RNF4: variants seen among roughly 807,000 people sequenced by gnomAD.
The protein encoded by RNF4 is E3 ubiquitin-protein ligase RNF4.
Under a neutral mutation model 24.3 loss-of-function variants are expected in RNF4, and 7 were observed. That is an observed-to-expected ratio of 0.29 (90% CI 0.16 to 0.54). The LOEUF (loss-of-function observed/expected upper bound fraction) is 0.54. RNF4 is among the 20% of genes least tolerant of loss of function. RNF4 has a pLI of 0.95. For missense variants in RNF4, 209 were observed against 248.5 expected (o/e 0.84, Z 1.07); for synonymous variants, 83 against 84.3 (o/e 0.98, Z 0.09).
chr4:2,480,477 T>C (rs1387196624), intron 1 of RNF4: 1 of 151,978 alleles, frequency 6.6e-6, no homozygotes, highest in African/African-American at 2.4e-5. Context: ...TTCACCATGT[T>C]GGCCAGGTTG....
intron 2 of RNF4, among the ~76,000 whole-genome samples, chr4:2,495,021 T>C (rs1735691190): frequency 6.6e-6 from 1 of 152,230 alleles, no homozygotes; most frequent in Non-Finnish European, 1.5e-5. Context: ...ACTTTTTACA[T>C]AAGCAACCTG....
chr4:2,502,199 G>T lies in RNF4; in HGVS notation c.204+1461G>T, dbSNP rs1041806845. Among the ~76,000 whole-genome samples the T allele has an allele frequency of 8.5e-5, 13 of 152,240 alleles. No individual in the cohort carries two copies. In the East Asian group the frequency reaches 1.9e-3, roughly 23 times the overall value. ...AAGCTGGAAAGTGGTGTCTGCAGAA[G>T]TTTTTTTGTTTTTTGTTTTTTGTTT... On this transcript the variant is annotated intron_variant, in intron 4 of 7. Coordinates refer to ENST00000314289, the MANE Select transcript of RNF4 (RefSeq NM_002938.5).
rs1282273039 is a variant in RNF4 at position 2,512,591 on chromosome 4, G to A, written c.368G>A (p.Gly123Asp). ...AACGCCAGGGATGAGGGCGCTACAG[G>A]CCTCAGGTACCAACGTGCCCCCAGC... ...PRNARDEGAT[G>D]LRPSGTVSCP... The change falls in exon 6 of 8, where the codon GGC (glycine) becomes GAC (aspartate). Residue 123 changes from glycine (G) to aspartate (D), a missense_variant. Gly to Asp is a moderately conservative substitution (Grantham distance 94, BLOSUM62 -1). Transcript: ENST00000314289. The surrounding 1 kb of genome is among the most constrained non-coding windows in gnomAD (Gnocchi z 4.1). The A allele has an allele frequency of 1.2e-6, 2 of 1,613,736 alleles. No individual in the cohort carries two copies. The highest frequency in any genetic ancestry group is 2.7e-5 in the African/African-American group (2 of 75,048).
intron 4 of RNF4, among the ~76,000 whole-genome samples, chr4:2,501,167 G>C (rs1406355967): frequency 2.6e-5 from 4 of 152,230 alleles, no homozygotes; most frequent in African/African-American, 9.6e-5. Flanking sequence ...AATGGGGACA[G>C]GTCACTCATG....
intron 4 of RNF4, 24 bp from the exon 5 acceptor site, chr4:2,511,932 T>TG (rs746134259): frequency 1.3e-6 from 2 of 1,598,376 alleles, no homozygotes; most frequent in Non-Finnish European, 1.7e-6. Context: ...CTTTCTCTTT[T>TG]GTTTTTCTCC....
intron 4 of RNF4, among the ~76,000 whole-genome samples, chr4:2,506,770 G>A (rs376956753): frequency 6.6e-6 from 1 of 151,962 alleles, no homozygotes; most frequent in African/African-American, 2.4e-5. Flanking sequence ...AGGTCTTACC[G>A]TATTGCCCAG....
At chr4:2,470,575 T>G (rs763297207) in intron 1 of RNF4, among the ~76,000 whole-genome samples, 2 of 152,272 alleles carry the variant, frequency 1.3e-5, no homozygotes, top group Non-Finnish European at 2.9e-5. Flanking sequence ...ATTGTTTTTC[T>G]AATCTTCATG....
intron 4 of RNF4, among the ~76,000 whole-genome samples, chr4:2,504,639 C>T (rs1322552804): frequency 1.3e-5 from 2 of 151,300 alleles, no homozygotes; most frequent in Admixed American, 6.6e-5. Flanking sequence ...TAAGCTCTGC[C>T]TCCTGGGTTC....
At chr4:2,490,704 G>A (rs570716752) in intron 2 of RNF4, 105 of 529,938 alleles carry the variant, frequency 2.0e-4, no homozygotes, top group Non-Finnish European at 3.0e-4. Flanking sequence ...AAAGGGCAGA[G>A]CCCTGAAGAC....
At position 2,485,682 on chromosome 4, in the gene RNF4, C is replaced by T. The variant is rs527318263; in HGVS notation, c.-157-4655C>T. Among the ~76,000 whole-genome samples, 257 of 152,286 alleles carry T rather than the reference C, an allele frequency of 1.7e-3. 3 individuals are homozygous for T. In the Middle Eastern group the frequency reaches 0.034, roughly 20 times the overall value. On this transcript the variant is annotated intron_variant, in intron 1 of 7. Coordinates refer to ENST00000314289, the MANE Select transcript of RNF4 (RefSeq NM_002938.5). ...CCAGTTAGGAATGACCACTTCTCTA[C>T]CCCAGCTCCTCTTTTCTCAGTGGCA...
At chr4:2,506,189 C>CT (rs3216205) in intron 4 of RNF4, 1 of 151,832 alleles carries the variant, frequency 6.6e-6, no homozygotes, top group Non-Finnish European at 1.5e-5. Flanking sequence ...TTGTTGTTTT[C>CT]TTTTTCCCCC....
chr4:2,507,815 T>C (rs942822789), intron 4 of RNF4, among the ~76,000 whole-genome samples: 1 of 152,150 alleles, frequency 6.6e-6, no homozygotes, highest in Non-Finnish European at 1.5e-5. Flanking sequence ...GAAGCTAGAG[T>C]AAAATAAAAT....
intron 3 of RNF4, among the ~76,000 whole-genome samples, chr4:2,500,111 C>A (rs999986456): frequency 1.3e-5 from 2 of 148,882 alleles, no homozygotes; most frequent in East Asian, 4.0e-4. Context: ...GAGCCAAGAT[C>A]GCACCACTGC....
intron 1 of RNF4, among the ~76,000 whole-genome samples, chr4:2,477,717 G>A (rs1032451949): frequency 2.0e-5 from 3 of 152,118 alleles, no homozygotes; most frequent in African/African-American, 4.8e-5. Flanking sequence ...AAGCCTCCCC[G>A]GCCATTTGGA....
At chr4:2,472,539 C>G (rs967394264) in intron 1 of RNF4, among the ~76,000 whole-genome samples, 3 of 148,606 alleles carry the variant, frequency 2.0e-5, no homozygotes, top group Non-Finnish European at 4.4e-5. Context: ...ATCGCTTGAG[C>G]TCAGGAGTTA....
intron 1 of RNF4, among the ~76,000 whole-genome samples, chr4:2,485,712 C>T (rs1403826720): frequency 2.0e-5 from 3 of 152,152 alleles, no homozygotes; most frequent in South Asian, 2.1e-4. Flanking sequence ...GTGGCAGGGG[C>T]GCCATCAACA....
At chr4:2,478,000 T>C (rs1350630628) in intron 1 of RNF4, among the ~76,000 whole-genome samples, 1 of 152,096 alleles carries the variant, frequency 6.6e-6, no homozygotes, top group Non-Finnish European at 1.5e-5. Flanking sequence ...TTGATAAGGA[T>C]ATGGACAATG....
intron 1 of RNF4, 37 bp from the exon 2 acceptor site, chr4:2,490,300 T>A (rs1280787035): frequency 1.2e-5 from 7 of 583,260 alleles, no homozygotes; most frequent in Non-Finnish European, 2.1e-5. Flanking sequence ...ATGATGTAAG[T>A]GGCAGTATTT....
chr4:2,495,642 G>GGC (rs199907915), intron 2 of RNF4, among the ~76,000 whole-genome samples: 1,514 of 148,706 alleles, frequency 0.01, 14 homozygotes, highest in Non-Finnish European at 0.015. Context: ...TTTTTTTTGG[G>GGC]GGGGGGTGAG....
Sources: allele counts gnomAD v4.1 joint callset (sites outside exome capture counted in the v4.1 genomes callset), GRCh38; gene constraint gnomAD v4.1.1; non-coding constraint Gnocchi (gnomAD v3.1); transcripts MANE v1.5; gene names NCBI Gene and HGNC (gene_info 2026-07-23, HGNC 2026-07-21).